The following HCRTR2 variants were observed in gnomAD, a reference collection of about 807,000 sequenced individuals.
HCRTR2 encodes the protein orexin receptor type 2.
In HCRTR2, 22 loss-of-function variants were observed where a neutral mutation model predicts 49.0. The ratio of observed to expected loss-of-function variants is 0.45; its 90% CI spans 0.32 to 0.64. The LOEUF is 0.64. Among genes scored for constraint, HCRTR2 ranks in the 30% least tolerant of loss-of-function variants. The pLI, the probability that HCRTR2 is intolerant of heterozygous loss-of-function variation, is 0.04. For missense variants in HCRTR2, 491 were observed against 559.4 expected, an observed-to-expected ratio of 0.88 and a Z score of 1.23; for synonymous variants, 236 against 205.3, an observed-to-expected ratio of 1.15 and a Z score of -1.28.
chr6:55,223,061 T>C (rs1034947140), intron 1 of HCRTR2, among the ~76,000 whole-genome samples: 8 of 152,224 alleles, frequency 5.3e-5, no homozygotes, highest in Admixed American at 2.0e-4. Context: ...ATCCATATTA[T>C]CATTTTAGGG....
intron 1 of HCRTR2, among the ~76,000 whole-genome samples, chr6:55,121,293 A>C (rs1048755933): frequency 6.6e-6 from 1 of 152,078 alleles, no homozygotes; most frequent in Non-Finnish European, 1.5e-5. Context: ...ATTGGTGTAT[A>C]GGAATGTTTG....
At chr6:55,242,099 A>C (rs776550294) in intron 1 of HCRTR2, among the ~76,000 whole-genome samples, 1 of 151,708 alleles carries the variant, frequency 6.6e-6, no homozygotes, top group Non-Finnish European at 1.5e-5. Context: ...CGAACTCCTG[A>C]TCTCAGGGGA....
intron 1 of HCRTR2, among the ~76,000 whole-genome samples, chr6:55,147,595 C>T (rs1208637466): frequency 6.6e-6 from 1 of 152,078 alleles, no homozygotes; most frequent in Non-Finnish European, 1.5e-5. Flanking sequence ...GATTTTAACT[C>T]AAGGGTCTCT....
At chr6:55,279,971 CATAAT>C (rs1369214749) in intron 5 of HCRTR2, among the ~76,000 whole-genome samples, 3 of 151,914 alleles carry the variant, frequency 2.0e-5, no homozygotes, top group Non-Finnish European at 4.4e-5. Context: ...AAATGATACA[CATAAT>C]AGAATATTAA....
chr6:55,134,012 A>C (rs1292131174), intron 1 of HCRTR2, among the ~76,000 whole-genome samples: 1 of 151,884 alleles, frequency 6.6e-6, no homozygotes, highest in Non-Finnish European at 1.5e-5. Flanking sequence ...GTCCTAATGA[A>C]AATTCACACA....
chr6:55,276,551 T>C (rs970672915), intron 4 of HCRTR2, among the ~76,000 whole-genome samples: 3 of 152,218 alleles, frequency 2.0e-5, no homozygotes, highest in African/African-American at 7.2e-5. Context: ...AAATTATGCA[T>C]GCTGAATTTT....
At chr6:55,117,088 A>C (rs912653025) in intron 1 of HCRTR2, among the ~76,000 whole-genome samples, 9 of 151,868 alleles carry the variant, frequency 5.9e-5, no homozygotes, top group African/African-American at 9.7e-5. Flanking sequence ...AGAAAAGCTA[A>C]GTCATGATAA....
chr6:55,229,670 G>C (rs1766077650), intron 1 of HCRTR2, among the ~76,000 whole-genome samples: 1 of 152,122 alleles, frequency 6.6e-6, no homozygotes, highest in South Asian at 2.1e-4. Context: ...ACTTACATTA[G>C]GTATTTGAAA....
At chr6:55,233,564 G>T (rs1421649905) in intron 1 of HCRTR2, among the ~76,000 whole-genome samples, 1 of 152,170 alleles carries the variant, frequency 6.6e-6, no homozygotes, top group Non-Finnish European at 1.5e-5. Flanking sequence ...AGGCATGGTG[G>T]TGCACACCTA....
intron 1 of HCRTR2, among the ~76,000 whole-genome samples, chr6:55,137,792 G>T (rs1426690618): frequency 6.6e-6 from 1 of 152,164 alleles, no homozygotes; most frequent in Non-Finnish European, 1.5e-5. Flanking sequence ...CCACCAATGT[G>T]ATAGTTTTTA....
intron 1 of HCRTR2, among the ~76,000 whole-genome samples, chr6:55,232,111 G>C (rs537245234): frequency 3.3e-5 from 5 of 152,110 alleles, no homozygotes; most frequent in African/African-American, 1.2e-4. Flanking sequence ...GCTTCAACCT[G>C]TAATTAAAAA....
At chr6:55,256,767 A>G (rs534692574) in intron 3 of HCRTR2, among the ~76,000 whole-genome samples, 3 of 152,206 alleles carry the variant, frequency 2.0e-5, no homozygotes, top group Admixed American at 2.0e-4. Flanking sequence ...CCATTCATTT[A>G]ATGCTCAAAC....
At chr6:55,262,647 T>C (rs1766787655) in intron 3 of HCRTR2, among the ~76,000 whole-genome samples, 1 of 139,384 alleles carries the variant, frequency 7.2e-6, no homozygotes, top group African/African-American at 2.6e-5. Context: ...TTTATAAATA[T>C]ATAATGATTA....
At chr6:55,208,091 A>G (rs968218908) in intron 1 of HCRTR2, among the ~76,000 whole-genome samples, 4 of 152,062 alleles carry the variant, frequency 2.6e-5, no homozygotes, top group Non-Finnish European at 5.9e-5. Context: ...TTGTTACCCT[A>G]ATGAGGTGTT....
intron 1 of HCRTR2, among the ~76,000 whole-genome samples, chr6:55,111,578 C>T (rs952513894): frequency 2.6e-5 from 4 of 151,900 alleles, no homozygotes; most frequent in African/African-American, 4.8e-5. Flanking sequence ...TGGAAATATA[C>T]AAGCTCCTAG....
At chr6:55,234,966 T>C (rs1766187155) in intron 1 of HCRTR2, among the ~76,000 whole-genome samples, 1 of 152,142 alleles carries the variant, frequency 6.6e-6, no homozygotes, top group Admixed American at 6.5e-5. Context: ...TTGTAGAGTA[T>C]TTCAATGATA....
intron 1 of HCRTR2, among the ~76,000 whole-genome samples, chr6:55,164,516 T>C (rs1313190445): frequency 6.6e-6 from 1 of 151,946 alleles, no homozygotes; most frequent in East Asian, 1.9e-4. Context: ...CAGCAAACTA[T>C]CACAAGATCA....
intron 1 of HCRTR2, among the ~76,000 whole-genome samples, chr6:55,228,663 T>A (rs940655720): frequency 2.6e-5 from 4 of 152,222 alleles, no homozygotes; most frequent in African/African-American, 9.6e-5. Flanking sequence ...TCCATTTATC[T>A]GCAGAAGTCT....
intron 1 of HCRTR2, among the ~76,000 whole-genome samples, chr6:55,243,702 G>A (rs1766377442): frequency 6.6e-6 from 1 of 152,084 alleles, no homozygotes; most frequent in Non-Finnish European, 1.5e-5. Context: ...GAGAAAAGCA[G>A]CAGAAACTTA....
Sources: allele counts gnomAD v4.1 joint callset (sites outside exome capture counted in the v4.1 genomes callset), GRCh38; gene constraint gnomAD v4.1.1; transcripts MANE v1.5; gene names NCBI Gene and HGNC (gene_info 2026-07-23, HGNC 2026-07-21).